PARVA: variants seen among roughly 807,000 people sequenced by gnomAD.
The protein encoded by PARVA is parvin alpha, also known as alpha-parvin.
PARVA carries 25 observed loss-of-function variants against 52.6 expected under a neutral mutation model. That is an observed-to-expected ratio of 0.48 (90% CI 0.35 to 0.66). The LOEUF (loss-of-function observed/expected upper bound fraction) is 0.66, where lower values mean the gene tolerates loss of function less well. Ranked by LOEUF, PARVA falls within the 30% of genes least tolerant of loss-of-function variation. The pLI is 0.01. For missense variants in PARVA, 373 were observed against 450.9 expected, an observed-to-expected ratio of 0.83 and a Z score of 1.56; for synonymous variants, 185 against 179.1, an observed-to-expected ratio of 1.03 and a Z score of -0.26.
At chr11:12,413,290 C>A (rs1940018187) in intron 1 of PARVA, among the ~76,000 whole-genome samples, 5 of 152,202 alleles carry the variant, frequency 3.3e-5, no homozygotes, top group Admixed American at 3.3e-4. Context: ...TCCAATCACC[C>A]AAACATGCCT....
At chr11:12,421,999 C>T (rs1940157815) in intron 1 of PARVA, among the ~76,000 whole-genome samples, 1 of 152,166 alleles carries the variant, frequency 6.6e-6, no homozygotes, top group Non-Finnish European at 1.5e-5. Flanking sequence ...GACTTCTCCC[C>T]ACATTTGGAG....
Position 12,496,479 on chromosome 11 carries a change from TA to T in PARVA, c.425del (p.Asn142MetfsTer27), listed in dbSNP as rs1564862359. The T allele has an allele frequency of 6.2e-7, 1 of 1,608,264 alleles. No individual in the cohort carries two copies. Among genetic ancestry groups the T allele is most frequent in the African/African-American group, 1.3e-5 (1 of 74,972 alleles). On this transcript the variant is annotated frameshift_variant, in exon 5 of 13. Coordinates refer to ENST00000334956, the MANE Select transcript of PARVA (RefSeq NM_018222.5). LOFTEE classifies it high-confidence loss of function. ...TCAGAGAAACTGGAGAGTGAGAAGC[TA>T]AATGTGGCTGAGGTCACCCAGTCAG... ...KLFEKLESEKLNVAEVTQSEI... is the reference protein window; with the variant it reads ...KLFEKLESEKXNVAEVTQSEI...
intron 1 of PARVA, among the ~76,000 whole-genome samples, chr11:12,399,071 G>C (rs1390047077): frequency 2.0e-5 from 3 of 152,194 alleles, no homozygotes; most frequent in African/African-American, 7.2e-5. Flanking sequence ...TTAGTAAATG[G>C]TGGAGCCAGG....
At chr11:12,445,009 G>A (rs558742034) in intron 1 of PARVA, among the ~76,000 whole-genome samples, 1 of 152,288 alleles carries the variant, frequency 6.6e-6, no homozygotes, top group South Asian at 2.1e-4. Context: ...GTCTAGGGGA[G>A]GGCTGTACTT....
rs557482112 is a variant in PARVA, at chr11:12,455,586, G to T, written c.137-18159G>T. Among the ~76,000 whole-genome samples the T allele has an allele frequency of 2.6e-5, 4 of 152,014 alleles. No individual in the cohort carries two copies. In the South Asian group the frequency reaches 8.3e-4, roughly 32 times the overall value. ...CAACCCTATCTAGTAGAAATCTATT[G>T]CTTACTGGTTTCTAGTTCCAGGCTC... On this transcript the variant is annotated intron_variant, in intron 1 of 12. Transcript: ENST00000334956.
Position 12,496,440 on chromosome 11 carries a change from T to C in PARVA, c.401-18T>C, listed in dbSNP as rs1286831872. 5 of 1,602,508 alleles carry C rather than the reference T, an allele frequency of 3.1e-6. No homozygotes were observed. Among genetic ancestry groups the C allele is most frequent in the Admixed American group, 3.4e-5 (2 of 58,580 alleles). On this transcript the variant is annotated intron_variant, in intron 4 of 12. Transcript: ENST00000334956. ...GGCCCAGCATAACAGCTGTTCTCTTTTCCCTTGTCACCCTCAGAGAAACTG... is the reference window on the plus strand; with the variant it reads ...GGCCCAGCATAACAGCTGTTCTCTTCTCCCTTGTCACCCTCAGAGAAACTG...
At position 12,514,068 on chromosome 11, in the gene PARVA, G is replaced by A; in HGVS notation, c.867+3G>A. The A allele has an allele frequency of 1.2e-6, 2 of 1,611,776 alleles. No homozygotes were observed. Among genetic ancestry groups the A allele is most frequent in the Non-Finnish European group, 1.7e-6 (2 of 1,177,946 alleles). ...AGGTCACAGAACTGGAAACCCAGGT[G>A]GGTGACAGACCCCAGCACAGGTAGA... On this transcript the variant is annotated splice_donor_region_variant and intron_variant, in intron 10 of 12. Coordinates refer to ENST00000334956, the MANE Select transcript of PARVA (RefSeq NM_018222.5).
rs561653941 is a variant in PARVA at position 12,519,493 on chromosome 11, T to C, written c.1042+976T>C. Among the ~76,000 whole-genome samples the C allele has an allele frequency of 1.6e-4, 24 of 152,160 alleles. No homozygotes were observed. The South Asian group carries it at 4.8e-3, about 30-fold the overall frequency. On this transcript the variant is annotated intron_variant, in intron 12 of 12. Transcript: ENST00000334956. ...GCCAGTTAGCAAAATGAAATGACAG[T>C]CATGGGAACTGTTACGAAAGAGGTA...
intron 12 of PARVA, among the ~76,000 whole-genome samples, chr11:12,525,766 A>C (rs1941692406): frequency 6.6e-6 from 1 of 151,728 alleles, no homozygotes; most frequent in African/African-American, 2.4e-5. Flanking sequence ...GCAGAAACAG[A>C]ATCTGGGAGC....
chr11:12,479,077 G>T (rs1198230301), intron 4 of PARVA: 1 of 152,208 alleles, frequency 6.6e-6, no homozygotes, highest in African/African-American at 2.4e-5. Context: ...CTCGATAAAT[G>T]TCTGTCATCA....
At position 12,535,199 on chromosome 11, in the gene PARVA, G is replaced by A. The variant is rs1941819428; in HGVS notation, c.*7274G>A. ...GAATTGTGTGTTGTCTAGACCCATGGCCAAGACTGTCATTGCCTGTGAGGG... is the reference window on the plus strand; with the variant it reads ...GAATTGTGTGTTGTCTAGACCCATGACCAAGACTGTCATTGCCTGTGAGGG... On this transcript the variant is annotated 3_prime_UTR_variant, in exon 13 of 13. Transcript: ENST00000334956. Among the ~76,000 whole-genome samples the A allele has an allele frequency of 6.6e-6, 1 of 152,188 alleles. No homozygotes were observed.
At chr11:12,466,249 CCTTGT>C (rs1940852224) in intron 1 of PARVA, among the ~76,000 whole-genome samples, 1 of 151,876 alleles carries the variant, frequency 6.6e-6, no homozygotes, top group African/African-American at 2.4e-5. Context: ...TCAGTCTATG[CCTTGT>C]CTTTTCATTC....
At chr11:12,405,106 T>C (rs576771952) in intron 1 of PARVA, among the ~76,000 whole-genome samples, 1 of 152,244 alleles carries the variant, frequency 6.6e-6, no homozygotes, top group South Asian at 2.1e-4. Context: ...TCTAACAGGT[T>C]TTTCATTTGA....
chr11:12,454,575 T>TA (rs1213359055), intron 1 of PARVA, among the ~76,000 whole-genome samples: 50 of 135,472 alleles, frequency 3.7e-4, no homozygotes, highest in Non-Finnish European at 6.4e-4. Context: ...AAAGTATCAT[T>TA]TAAAAAAAAA....
At chr11:12,384,071 A>G (rs1939536134) in intron 1 of PARVA, among the ~76,000 whole-genome samples, 1 of 152,134 alleles carries the variant, frequency 6.6e-6, no homozygotes, top group African/African-American at 2.4e-5. Context: ...GTCCCTTCCA[A>G]GGAGGTCCCT....
chr11:12,460,072 A>T (rs144826419), intron 1 of PARVA, among the ~76,000 whole-genome samples: 1 of 152,230 alleles, frequency 6.6e-6, no homozygotes, highest in Non-Finnish European at 1.5e-5. Context: ...CTGTGTTCCC[A>T]TGCCTTCACA....
rs188755009 is a variant in PARVA, at chr11:12,533,145, C to G, written c.*5220C>G. On this transcript the variant is annotated 3_prime_UTR_variant, in exon 13 of 13. Coordinates refer to ENST00000334956, the MANE Select transcript of PARVA (RefSeq NM_018222.5). ...TGATGGACAGGAACTCCTGGACTAC[C>G]CCCAGCCTCTCCACAATGTGTCCTG... Among the ~76,000 whole-genome samples the G allele has an allele frequency of 7.4e-4, 112 of 152,288 alleles. No homozygotes were observed. The highest frequency in any genetic ancestry group is 2.6e-3 in the African/African-American group (108 of 41,560).
At chr11:12,432,555 C>T (rs1391322045) in intron 1 of PARVA, among the ~76,000 whole-genome samples, 1 of 152,128 alleles carries the variant, frequency 6.6e-6, no homozygotes, top group African/African-American at 2.4e-5. Flanking sequence ...AGGTAACTTG[C>T]AAGGTGGATG....
chr11:12,407,611 T>C (rs1258917136), intron 1 of PARVA, among the ~76,000 whole-genome samples: 2 of 152,210 alleles, frequency 1.3e-5, no homozygotes, highest in Non-Finnish European at 2.9e-5. Context: ...TGTCCAATTT[T>C]TTCTCCTCTT....
Sources: allele counts gnomAD v4.1 joint callset (sites outside exome capture counted in the v4.1 genomes callset), GRCh38; gene constraint gnomAD v4.1.1; transcripts MANE v1.5; gene names NCBI Gene and HGNC (gene_info 2026-07-23, HGNC 2026-07-21).